Variants in PCDH15 observed in about 807,000 individuals in gnomAD.
The protein encoded by PCDH15 is protocadherin related 15, also known as protocadherin-15.
PCDH15 carries 129 observed loss-of-function variants against 178.5 expected under a neutral mutation model. That is an observed-to-expected ratio of 0.72 (90% CI 0.63 to 0.84). The LOEUF is 0.84. Ranked by LOEUF, PCDH15 falls within the 40% of genes least tolerant of loss-of-function variation. The pLI is 0.00. For missense variants in PCDH15, 2,230 were observed against 2,099.9 expected (o/e 1.06, Z -1.21); for synonymous variants, 800 against 732.0 (o/e 1.09, Z -1.50).
At chr10:55,246,592 C>T (rs1200566007) in intron 1 of PCDH15, among the ~76,000 whole-genome samples, 2 of 152,098 alleles carry the variant, frequency 1.3e-5, no homozygotes, top group Non-Finnish European at 2.9e-5. Context: ...TGTTTCTAAT[C>T]TAACTGTATT....
Position 54,639,086 on chromosome 10 carries a change from C to T in PCDH15, c.91+25086G>A, listed in dbSNP as rs115236328. Among the ~76,000 whole-genome samples, 914 of 152,134 alleles carry T rather than the reference C, an allele frequency of 6.0e-3. 12 individuals carry two copies. Among genetic ancestry groups the T allele is most frequent in the African/African-American group, 0.021 (865 of 41,500 alleles). Reference sequence around the variant, plus strand: ...TATCTCCTGTATCCCGTAAAAAGGACGTAAAATTCACAGGTGAGTACTATT... The same window carrying T: ...TATCTCCTGTATCCCGTAAAAAGGATGTAAAATTCACAGGTGAGTACTATT... On this transcript the variant is annotated intron_variant, in intron 2 of 37. Coordinates refer to ENST00000644397, the MANE Select transcript of PCDH15 (RefSeq NM_001384140.1).
At chr10:54,536,317 T>G (rs2084514668) in intron 2 of PCDH15, among the ~76,000 whole-genome samples, 1 of 152,184 alleles carries the variant, frequency 6.6e-6, no homozygotes, top group African/African-American at 2.4e-5. Flanking sequence ...TGAGGTAAAT[T>G]TTTATTCTAA....
intron 32 of PCDH15, among the ~76,000 whole-genome samples, chr10:53,824,140 A>G (rs2076511388): frequency 1.5e-5 from 1 of 68,626 alleles, no homozygotes; most frequent in Admixed American, 1.6e-4. Flanking sequence ...AAAAAGATTG[A>G]TGCTAAAAAA....
In PCDH15 at chr10:54,122,174, T is replaced by C. The variant is rs562364958; in HGVS notation, c.1917+10701A>G. Among the ~76,000 whole-genome samples the C allele has an allele frequency of 3.3e-5, 5 of 152,214 alleles. No individual in the cohort carries two copies. In the South Asian group the frequency reaches 1.0e-3, roughly 32 times the overall value. Reference sequence around the variant, plus strand: ...TTAATTTACGATGATCAGGTAGGGTTAATTCCTGAGATTCAAGGTTGTTTC... The same window carrying C: ...TTAATTTACGATGATCAGGTAGGGTCAATTCCTGAGATTCAAGGTTGTTTC... On this transcript the variant is annotated intron_variant, in intron 15 of 37. Transcript: ENST00000644397.
intron 18 of PCDH15, among the ~76,000 whole-genome samples, chr10:54,035,485 G>A (rs889615540): frequency 1.3e-5 from 2 of 151,872 alleles, no homozygotes; most frequent in Non-Finnish European, 1.5e-5. Flanking sequence ...GTGTTGGGGT[G>A]CCGCAGAACA....
At chr10:54,460,465 T>A (rs533812643) in intron 3 of PCDH15, among the ~76,000 whole-genome samples, 1 of 152,060 alleles carries the variant, frequency 6.6e-6, no homozygotes, top group East Asian at 1.9e-4. Flanking sequence ...TGGAGACAGT[T>A]GGAAGGAAGG....
At chr10:53,878,510 A>ATG (rs1564666874) in intron 26 of PCDH15, among the ~76,000 whole-genome samples, 1,980 of 124,568 alleles carry the variant, frequency 0.016, 58 homozygotes, top group African/African-American at 0.08. Context: ...TTATATATAT[A>ATG]CGTGTGTGTG....
At chr10:54,011,829 A>T (rs1486680342) in intron 20 of PCDH15, among the ~76,000 whole-genome samples, 3 of 152,220 alleles carry the variant, frequency 2.0e-5, no homozygotes, top group Admixed American at 1.3e-4. Flanking sequence ...ACATCAGCGA[A>T]CACAGATGAG....
At position 55,582,622 on chromosome 10, in the gene PCDH15, ATATATATT is replaced by A. The variant is rs1386394274; in HGVS notation, c.-156+44995_-156+45002del. ...TATATATATATATATATATATATAT[ATATATATT>A]TTTTTTTTTTTGCTATATTTGATGA... On this transcript the variant is annotated intron_variant, in intron 2 of 5. Coordinates refer to the PCDH15 transcript ENST00000613346. Among the ~76,000 whole-genome samples, 210 of 74,262 alleles carry A rather than the reference ATATATATT, an allele frequency of 2.8e-3. 2 individuals carry two copies. Among genetic ancestry groups the A allele is most frequent in the African/African-American group, 0.013 (203 of 16,176 alleles). 48.7% of individuals were successfully genotyped at this position (74,262 alleles called of 152,430 possible).
chr10:54,736,441 GC>G (rs2132728742), intron 1 of PCDH15, among the ~76,000 whole-genome samples: 1 of 152,000 alleles, frequency 6.6e-6, no homozygotes, highest in South Asian at 2.1e-4. Flanking sequence ...TTATAAATGT[GC>G]CCCATGCTGC....
intron 18 of PCDH15, among the ~76,000 whole-genome samples, chr10:54,029,817 A>G (rs2093238665): frequency 6.6e-6 from 1 of 151,920 alleles, no homozygotes; most frequent in Admixed American, 6.6e-5. Context: ...AATTCTTTCC[A>G]TCCATAAAAG....
At chr10:55,601,949 G>T (rs1264044215) in intron 2 of PCDH15, among the ~76,000 whole-genome samples, 1 of 152,116 alleles carries the variant, frequency 6.6e-6, no homozygotes, top group Non-Finnish European at 1.5e-5. Context: ...GCAGAAGACG[G>T]GTGATTTCTG....
At chr10:54,127,658 A>C (rs536765262) in intron 15 of PCDH15, among the ~76,000 whole-genome samples, 1 of 152,138 alleles carries the variant, frequency 6.6e-6, no homozygotes, top group Non-Finnish European at 1.5e-5. Flanking sequence ...AAAGTTTCCA[A>C]ATCTTTTCCT....
chr10:53,888,310 G>GTATGTACATATATATATACGTA (rs2081270122), intron 26 of PCDH15, among the ~76,000 whole-genome samples: 1 of 28,708 alleles, frequency 3.5e-5, no homozygotes, highest in East Asian at 1.5e-3. Flanking sequence ...ATATATATAT[G>GTATGTACATATATATATACGTA]TATATATGTA....
chr10:55,228,475 GA>G (rs942181596), intron 1 of PCDH15, among the ~76,000 whole-genome samples: 24 of 151,808 alleles, frequency 1.6e-4, no homozygotes, highest in Non-Finnish European at 2.9e-4. Flanking sequence ...GTATTGCATT[GA>G]AAAAAATTAA....
chr10:55,139,091 T>C (rs996672321), intron 2 of PCDH15, among the ~76,000 whole-genome samples: 2 of 152,080 alleles, frequency 1.3e-5, no homozygotes, highest in Non-Finnish European at 2.9e-5. Flanking sequence ...GAACATGTTT[T>C]CAAGTTCTTA....
intron 2 of PCDH15, among the ~76,000 whole-genome samples, chr10:54,599,438 G>C (rs1391127680): frequency 3.9e-5 from 6 of 152,064 alleles, no homozygotes; most frequent in African/African-American, 1.4e-4. Flanking sequence ...ATTGTGCTGG[G>C]ATAACTGGCT....
At chr10:54,607,764 A>C (rs2092806263) in intron 2 of PCDH15, 1 of 405,168 alleles carries the variant, frequency 2.5e-6, no homozygotes, top group African/African-American at 2.2e-5. Flanking sequence ...TGGTAACTTT[A>C]AGGCTTTTAC....
Position 54,635,372 on chromosome 10 carries a change from T to C in PCDH15, c.91+28800A>G, listed in dbSNP as rs532801684. On this transcript the variant is annotated intron_variant, in intron 2 of 37. Coordinates refer to ENST00000644397, the MANE Select transcript of PCDH15 (RefSeq NM_001384140.1). Reference sequence around the variant, plus strand: ...GACATTCGTGTTTAATTTTCCTTAATTCATCTCATATATGTATATATATAT... The same window carrying C: ...GACATTCGTGTTTAATTTTCCTTAACTCATCTCATATATGTATATATATAT... Among the ~76,000 whole-genome samples, 412 of 135,696 alleles carry C rather than the reference T, an allele frequency of 3.0e-3. 3 individuals are homozygous for C. The highest frequency in any genetic ancestry group is 5.6e-3 in the Non-Finnish European group (334 of 60,106). The allele number at this position is 135,696 out of a possible 152,430, so 89.0% of individuals were successfully genotyped here.
Sources: gnomAD v4.1 joint callset for allele counts (sites outside exome capture counted in the v4.1 genomes callset) on GRCh38, gnomAD v4.1.1 for gene constraint, MANE v1.5 for transcripts, NCBI Gene and HGNC (gene_info 2026-07-23, HGNC 2026-07-21) for gene names.